MAP3K21: variants seen among roughly 807,000 people sequenced by gnomAD.
MAP3K21 encodes mitogen-activated protein kinase kinase kinase MLK4.
In MAP3K21, 63 loss-of-function variants were observed where a neutral mutation model predicts 86.1. That is an observed-to-expected ratio of 0.73 (90% CI 0.60 to 0.90). The LOEUF (loss-of-function observed/expected upper bound fraction) is 0.90, where lower values mean the gene tolerates loss of function less well. Ranked by LOEUF, MAP3K21 falls within the 40% of genes least tolerant of loss-of-function variation. The pLI is 0.00. For synonymous variants in MAP3K21, 558 were observed against 564.8 expected, an observed-to-expected ratio of 0.99 and a Z score of 0.17; for missense variants, 1,220 against 1,367.7, an observed-to-expected ratio of 0.89 and a Z score of 1.70.
In MAP3K21 at chr1:233,328,354, C is replaced by T. The variant is rs1212198325; in HGVS notation, c.326C>T (p.Pro109Leu). Residue 109 changes from proline to leucine, a missense_variant, in exon 1 of 10, where the codon CCG becomes CTG. Coordinates refer to ENST00000366624, the MANE Select transcript of MAP3K21 (RefSeq NM_032435.3). The surrounding 1 kb of genome is among the most constrained non-coding windows in gnomAD (Gnocchi z 8.7). ...PCRPAASPAP[P>L]PSRPSSPVHV... ...CGCCCGGCCGCCAGCCCCGCGCCGC[C>T]GCCCTCGCGGCCCAGCTCCCCGGTA... 6.8e-7 allele frequency: 1 copy of T among 1,469,758 alleles called. No individual in the cohort carries two copies. Among genetic ancestry groups the T allele is most frequent in the Non-Finnish European group, 8.9e-7 (1 of 1,119,392 alleles). 91.0% of individuals were successfully genotyped at this position (1,469,758 alleles called of 1,614,324 possible).
intron 8 of MAP3K21, among the ~76,000 whole-genome samples, chr1:233,378,045 G>T (rs998061740): frequency 9.2e-5 from 14 of 152,178 alleles, no homozygotes; most frequent in African/African-American, 3.4e-4. Context: ...CCCACCTGCT[G>T]CTCACTTCCT....
At chr1:233,361,708 A>G (rs1663468303) in intron 4 of MAP3K21, among the ~76,000 whole-genome samples, 1 of 152,198 alleles carries the variant, frequency 6.6e-6, no homozygotes, top group South Asian at 2.1e-4. Flanking sequence ...GTGTCAGGTG[A>G]GAGATGAAGA....
At chr1:233,369,953 A>T (rs889727302) in intron 5 of MAP3K21, among the ~76,000 whole-genome samples, 4 of 152,224 alleles carry the variant, frequency 2.6e-5, no homozygotes, top group Non-Finnish European at 4.4e-5. Context: ...AATGTGTTAC[A>T]GTTTTAATCT....
chr1:233,328,706 C>T lies in MAP3K21; in HGVS notation c.678C>T (p.Pro226=). Residue 226 remains proline (P), a synonymous_variant, in exon 1 of 10, where the codon CCC becomes CCT. Transcript: ENST00000366624. This position sits in a 1 kb window ranked among gnomAD's most constrained non-coding sequence, Gnocchi z 8.7. The part of the protein sequence containing the change: ...NAAPDPRAPG[P]RRARRIPPHV... ...CCCCGGACCCGCGCGCGCCCGGCCC[C>T]CGCCGCGCGCGCCGCATCCCTCCGC... 1.4e-6 allele frequency: 2 copies of T among 1,383,914 alleles called. No individual in the cohort carries two copies. The highest frequency in any genetic ancestry group is 1.5e-5 in the African/African-American group (1 of 66,206). 85.7% of individuals were successfully genotyped at this position (1,383,914 alleles called of 1,614,324 possible). A position where few individuals can be genotyped will look rare whatever the true frequency, so the allele number is the denominator to read the frequency against.
At chr1:233,351,040 A>T (rs10910132) in intron 2 of MAP3K21, among the ~76,000 whole-genome samples, 69,612 of 151,748 alleles carry the variant, frequency 0.46, 16,528 homozygotes, top group Admixed American at 0.58. Context: ...CTATTTTTTT[A>T]AGTTTTGTTA....
In MAP3K21 at chr1:233,354,989, ATGAGT is replaced by A. The variant is rs1663323117; in HGVS notation, c.1294_1298del (p.Leu432AsnfsTer31). 3.1e-6 allele frequency: 5 copies of A among 1,613,878 alleles called. No homozygotes were observed. Among genetic ancestry groups the A allele is most frequent in the Non-Finnish European group, 4.2e-6 (5 of 1,179,754 alleles). On this transcript the variant is annotated frameshift_variant, in exon 4 of 10. Coordinates refer to ENST00000366624, the MANE Select transcript of MAP3K21 (RefSeq NM_032435.3). LOFTEE classifies it high-confidence loss of function. ...AAACTAGAAATTCAACAAATGTTTGATGAGTTGAGAACAAAGGAAAAGGTGAGAGA... is the reference window on the plus strand; with the variant it reads ...AAACTAGAAATTCAACAAATGTTTGATGAGAACAAAGGAAAAGGTGAGAGA...
intron 5 of MAP3K21, 79 bp from the exon 6 acceptor site, chr1:233,371,959 A>G (rs1487740977): frequency 4.2e-5 from 60 of 1,425,404 alleles, no homozygotes; most frequent in South Asian, 3.6e-4. Context: ...TTTTGTTTTT[A>G]TTGCTGTGTG....
At chr1:233,339,243 C>CCTG (rs1247349581) in intron 1 of MAP3K21, among the ~76,000 whole-genome samples, 2 of 88,562 alleles carry the variant, frequency 2.3e-5, no homozygotes, top group Admixed American at 1.3e-4. Context: ...TCTTCTTCTT[C>CCTG]TTCTTCTTCT....
rs201076217 is a variant in MAP3K21, at chr1:233,382,437, G to A, written c.2837G>A (p.Arg946His). The A allele has an allele frequency of 1.1e-4, 181 of 1,614,058 alleles. 1 individual carries two copies. The highest frequency in any genetic ancestry group is 7.2e-4 in the South Asian group (66 of 91,070). Residue 946 changes from arginine to histidine, a missense_variant, in exon 10 of 10, where the codon CGC becomes CAC. Transcript: ENST00000366624. ...ACTGTCCACATCGTGCCTCAGCGTC[G>A]CCCTGCCTCCCTGAGAAGCCGCTCA... ...HSTVHIVPQR[R>H]PASLRSRSDL...
At chr1:233,378,113 G>T (rs1663833324) in intron 8 of MAP3K21, among the ~76,000 whole-genome samples, 2 of 152,224 alleles carry the variant, frequency 1.3e-5, no homozygotes, top group Admixed American at 1.3e-4. Flanking sequence ...GGGGTTCAGG[G>T]ACCCCTGGTC....
At chr1:233,365,760 T>C (rs1180587187) in intron 5 of MAP3K21, among the ~76,000 whole-genome samples, 1 of 152,148 alleles carries the variant, frequency 6.6e-6, no homozygotes, top group Non-Finnish European at 1.5e-5. Context: ...AGTACAGCCA[T>C]TGTGGAAAAC....
In MAP3K21 at chr1:233,382,917, A is replaced by T; in HGVS notation, c.*206A>T. 1 of 514,024 alleles carries T rather than the reference A, an allele frequency of 1.9e-6. No homozygotes were observed. The highest frequency in any genetic ancestry group is 3.5e-6 in the Non-Finnish European group (1 of 287,840). 31.8% of individuals were successfully genotyped at this position (514,024 alleles called of 1,614,324 possible). On this transcript the variant is annotated 3_prime_UTR_variant, in exon 10 of 10. Coordinates refer to ENST00000366624, the MANE Select transcript of MAP3K21 (RefSeq NM_032435.3). ...TTTTCCTCTGGATTCTTTTCTTATA[A>T]CTTGGAATACACAAAAGTGTAAAAC...
At position 233,382,696 on chromosome 1, in the gene MAP3K21, A is replaced by C. The variant is rs1386493750; in HGVS notation, c.3096A>C (p.Lys1032Asn). Residue 1032 changes from lysine (K) to asparagine (N), a missense_variant, in exon 10 of 10, where the codon AAA becomes AAC. Around this residue, in one of 5 missense-constraint regions of MAP3K21, gnomAD observed 632 missense variants for 691.3 expected, o/e 0.91. Coordinates refer to ENST00000366624, the MANE Select transcript of MAP3K21 (RefSeq NM_032435.3). ...TSRPSIYELE[K>N]EFLS is the part of the protein sequence containing the mutation. ...GGCCATCTATATATGAACTGGAGAA[A>C]GAATTCCTGTCTTAAACTAAGTGCC... is the stretch of plus-strand genomic sequence containing the variant. The C allele has an allele frequency of 6.2e-7, 1 of 1,612,372 alleles. No individual in the cohort carries two copies. The highest frequency in any genetic ancestry group is 1.7e-5 in the Admixed American group (1 of 59,980).
At position 233,334,427 on chromosome 1, in the gene MAP3K21, A is replaced by T. The variant is rs138522304; in HGVS notation, c.805+5594A>T. Among the ~76,000 whole-genome samples the T allele has an allele frequency of 2.6e-5, 4 of 152,230 alleles. No individual in the cohort carries two copies. In the East Asian group the frequency reaches 7.7e-4, roughly 29 times the overall value. The stretch of plus-strand genomic sequence containing the variant: ...TTGAGACTGATTGTCTTGATTTCTG[A>T]TACTGTATTCGTTTCTTGGGAGATC... On this transcript the variant is annotated intron_variant, in intron 1 of 9. Coordinates refer to ENST00000366624, the MANE Select transcript of MAP3K21 (RefSeq NM_032435.3).
At chr1:233,377,357 C>T (rs563831953) in intron 8 of MAP3K21, among the ~76,000 whole-genome samples, 1 of 152,214 alleles carries the variant, frequency 6.6e-6, no homozygotes, top group South Asian at 2.1e-4. Context: ...ATTAAAGATG[C>T]CTTAGCAAGA....
Position 233,362,251 on chromosome 1 carries a change from C to G in MAP3K21, c.1510C>G (p.Arg504Gly), listed in dbSNP as rs200368585. The G allele has an allele frequency of 4.4e-5, 71 of 1,614,150 alleles. No homozygotes were observed. The highest frequency in any genetic ancestry group is 1.3e-4 in the South Asian group (12 of 91,050). Residue 504 changes from arginine to glycine, a missense_variant, in exon 5 of 10, where the codon CGT becomes GGT. By Grantham distance (125) the Arg-to-Gly change is moderately radical (BLOSUM62 -2). This residue lies in a region of MAP3K21 where 632 missense variants were observed against 691.3 expected (regional missense o/e 0.91). Transcript: ENST00000366624. The part of the protein sequence containing the change: ...KKRKGKFKRS[R>G]LKLKDGHRIS... ...GAGGAAGGGCAAGTTTAAGAGAAGT[C>G]GTTTAAAGCTCAAAGATGGACATCG...
Position 233,371,649 on chromosome 1 carries a change from C to T in MAP3K21, c.1553-389C>T, listed in dbSNP as rs995143617. On this transcript the variant is annotated intron_variant, in intron 5 of 9. Coordinates refer to ENST00000366624, the MANE Select transcript of MAP3K21 (RefSeq NM_032435.3). Reference sequence around the variant, plus strand: ...TATTGGGATTTCAGGCATGAGCCACCGTGTTCAGACTTAATTTTAACTATC... The same window carrying T: ...TATTGGGATTTCAGGCATGAGCCACTGTGTTCAGACTTAATTTTAACTATC... Among the ~76,000 whole-genome samples the T allele has an allele frequency of 2.6e-5, 4 of 152,020 alleles. No homozygotes were observed. The East Asian group carries it at 7.7e-4, about 29-fold the overall frequency.
intron 1 of MAP3K21, among the ~76,000 whole-genome samples, chr1:233,339,147 A>G (rs1662968614): frequency 6.6e-6 from 1 of 152,196 alleles, no homozygotes; most frequent in Admixed American, 6.5e-5. Context: ...CCACTGATAG[A>G]TGAATATTCA....
At chr1:233,378,687 G>A (rs529290618) in intron 8 of MAP3K21, among the ~76,000 whole-genome samples, 4 of 152,232 alleles carry the variant, frequency 2.6e-5, no homozygotes, top group South Asian at 4.2e-4. Context: ...ACAGCTTCCC[G>A]AAGCATAGGA....
Sources: gnomAD v4.1 joint callset for allele counts (sites outside exome capture counted in the v4.1 genomes callset) on GRCh38, gnomAD v4.1.1 for gene constraint, gnomAD v4.1.1 regional missense constraint, Gnocchi (gnomAD v3.1) non-coding constraint, MANE v1.5 for transcripts, NCBI Gene and HGNC (gene_info 2026-07-23, HGNC 2026-07-21) for gene names.